The following CCDC18 variants were observed in gnomAD, a reference collection of about 807,000 sequenced individuals.
The protein encoded by CCDC18 is coiled-coil domain containing 18.
CCDC18 carries 157 observed loss-of-function variants against 196.0 expected under a neutral mutation model. The ratio of observed to expected loss-of-function variants is 0.80; its 90% CI spans 0.70 to 0.91. The LOEUF (loss-of-function observed/expected upper bound fraction) is 0.91, where lower values mean the gene tolerates loss of function less well. CCDC18 is among the 40% of genes least tolerant of loss of function. The pLI is 0.00. For missense variants in CCDC18, 1,465 were observed against 1,611.6 expected (o/e 0.91, Z 1.56); for synonymous variants, 482 against 529.2 (o/e 0.91, Z 1.22).
At chr1:93,198,419 A>G (rs1448618465) in intron 6 of CCDC18, among the ~76,000 whole-genome samples, 1 of 152,318 alleles carries the variant, frequency 6.6e-6, no homozygotes, top group Middle Eastern at 3.4e-3. Context: ...CAAAATTAAC[A>G]TATGTTGTTA....
Position 93,193,748 on chromosome 1 carries a change from T to C in CCDC18, c.698+4T>C, listed in dbSNP as rs771964430. On this transcript the variant is annotated splice_donor_region_variant and intron_variant, in intron 6 of 28. Coordinates refer to ENST00000690025, the MANE Select transcript of CCDC18 (RefSeq NM_001378204.1). ...AACAAACCAAACAAGGAAAAAGGTATGTGTTTTTAAAGCAAATACATGTTT... is the reference window on the plus strand; with the variant it reads ...AACAAACCAAACAAGGAAAAAGGTACGTGTTTTTAAAGCAAATACATGTTT... 6.5e-7 allele frequency: 1 copy of C among 1,543,518 alleles called. No individual in the cohort carries two copies. Among genetic ancestry groups the C allele is most frequent in the South Asian group, 1.3e-5 (1 of 78,568 alleles).
chr1:93,269,721 T>C (rs1665035935), intron 27 of CCDC18: 1 of 152,188 alleles, frequency 6.6e-6, no homozygotes, highest in Non-Finnish European at 1.5e-5. Flanking sequence ...ATCTCTTTTT[T>C]TAGGCTTTTT....
At chr1:93,239,970 C>A in intron 21 of CCDC18, 74 bp downstream of exon 21, 1 of 1,043,146 alleles carries the variant, frequency 9.6e-7, no homozygotes, top group Non-Finnish European at 1.4e-6. Flanking sequence ...TTGTTGCATT[C>A]TAGACGTCTA....
chr1:93,214,822 A>T lies in CCDC18; in HGVS notation c.1575A>T (p.Ile525=). 1 of 1,613,626 alleles carries T rather than the reference A, an allele frequency of 6.2e-7. No homozygotes were observed. The highest frequency in any genetic ancestry group is 8.5e-7 in the Non-Finnish European group (1 of 1,179,700). Residue 525 remains isoleucine, a synonymous_variant, in exon 12 of 29, where the codon ATA becomes ATT. Coordinates refer to ENST00000690025, the MANE Select transcript of CCDC18 (RefSeq NM_001378204.1). ...AGAGGCAAAGACTTGTTACTGGAATAGAAGAACTACGTACTAAGCTGATAC... is the reference window on the plus strand; with the variant it reads ...AGAGGCAAAGACTTGTTACTGGAATTGAAGAACTACGTACTAAGCTGATAC... ...EKERQRLVTG[I]EELRTKLIQI...
Position 93,278,471 on chromosome 1 carries a change from T to C in CCDC18, c.4362T>C (p.Asn1454=), listed in dbSNP as rs924515083. 7.8e-7 allele frequency: 1 copy of C among 1,278,670 alleles called. No individual in the cohort carries two copies. Among genetic ancestry groups the C allele is most frequent in the Non-Finnish European group, 1.1e-6 (1 of 941,822 alleles). 79.2% of individuals were successfully genotyped at this position (1,278,670 alleles called of 1,614,324 possible). A position where few individuals can be genotyped will look rare whatever the true frequency, so the allele number is the denominator to read the frequency against. Residue 1454 remains asparagine, a synonymous_variant, in exon 29 of 29, where the codon AAT becomes AAC. Coordinates refer to ENST00000690025, the MANE Select transcript of CCDC18 (RefSeq NM_001378204.1). ...QTGAGLNQGE[N]V is the part of the protein sequence containing the mutation. ...ATTTTGCATTATTCTAGGGAGAAAA[T>C]GTGTAATTCAAAGAAGATACTGATG...
intron 7 of CCDC18, among the ~76,000 whole-genome samples, chr1:93,204,149 G>T (rs139070836): frequency 6.6e-6 from 1 of 152,220 alleles, no homozygotes; most frequent in Non-Finnish European, 1.5e-5. Context: ...AGTAGGGGGA[G>T]ATTGAAGATG....
intron 6 of CCDC18, among the ~76,000 whole-genome samples, chr1:93,196,304 A>AC (rs1242109499): frequency 6.6e-6 from 1 of 152,186 alleles, no homozygotes; most frequent in Non-Finnish European, 1.5e-5. Flanking sequence ...AGCCTGAGTG[A>AC]CAGAGGAAGA....
Position 93,226,311 on chromosome 1 carries a change from TTTTG to T in CCDC18, c.2176-21_2176-18del. The T allele has an allele frequency of 1.1e-6, 1 of 920,166 alleles. No individual in the cohort carries two copies. Among genetic ancestry groups the T allele is most frequent in the Non-Finnish European group, 1.6e-6 (1 of 610,280 alleles). The allele number at this position is 920,166 out of a possible 1,614,324, so 57.0% of individuals were successfully genotyped here. On this transcript the variant is annotated intron_variant, in intron 16 of 28. Transcript: ENST00000690025. Reference sequence around the variant, plus strand: ...ATATCGTTTTGTGTTTTTTTTTTTTTTTTGCTTTTTTTCCTGCTTAGGTTAGGCA... The same window carrying T: ...ATATCGTTTTGTGTTTTTTTTTTTTTCTTTTTTTCCTGCTTAGGTTAGGCA...
chr1:93,228,213 A>G (rs1658708143), intron 17 of CCDC18, among the ~76,000 whole-genome samples: 1 of 152,018 alleles, frequency 6.6e-6, no homozygotes, highest in Non-Finnish European at 1.5e-5. Context: ...ACATCAGGAA[A>G]AGATGGTGTG....
chr1:93,265,039 A>G (rs550978182), intron 27 of CCDC18, 138 bp downstream of exon 27: 92 of 605,592 alleles, frequency 1.5e-4, no homozygotes, highest in Non-Finnish European at 2.5e-4. Context: ...GATTTAGAAG[A>G]TGTTGAATTT....
intron 17 of CCDC18, among the ~76,000 whole-genome samples, chr1:93,227,319 C>T (rs1043250431): frequency 6.6e-5 from 10 of 151,110 alleles, no homozygotes; most frequent in Non-Finnish European, 1.2e-4. Context: ...CTGCCACGCC[C>T]GGCTAATTTT....
intron 14 of CCDC18, among the ~76,000 whole-genome samples, chr1:93,218,433 CA>C (rs1474832219): frequency 6.6e-6 from 1 of 151,836 alleles, no homozygotes; most frequent in Non-Finnish European, 1.5e-5. Flanking sequence ...CCAATTGTAA[CA>C]AAATACTGTC....
At chr1:93,221,472 A>G in intron 14 of CCDC18, 137 bp from the exon 15 acceptor site, 1 of 510,442 alleles carries the variant, frequency 2.0e-6, no homozygotes, top group Admixed American at 4.2e-5. Flanking sequence ...TTCTTCCTTA[A>G]AAAGAGAGAA....
intron 18 of CCDC18, among the ~76,000 whole-genome samples, chr1:93,234,936 A>AGTGTGTGTGTGTGTGTGTGTGT (rs3223482): frequency 2.3e-4 from 27 of 119,368 alleles, no homozygotes; most frequent in East Asian, 1.2e-3. Flanking sequence ...CCCAGCTAAG[A>AGTGTGTGTGTGTGTGTGTGTGT]GTGTGTGTGT....
intron 1 of CCDC18, among the ~76,000 whole-genome samples, chr1:93,182,670 A>G (rs916989747): frequency 6.6e-6 from 1 of 152,214 alleles, no homozygotes; most frequent in Non-Finnish European, 1.5e-5. Flanking sequence ...CCACTGAAGA[A>G]ACAAAAGCTT....
rs372219131 is a variant in CCDC18 at position 93,256,290 on chromosome 1, C to G, written c.3343-45C>G. The G allele has an allele frequency of 1.1e-4, 162 of 1,518,716 alleles. 1 individual carries two copies. In the African/African-American group the frequency reaches 1.7e-3, roughly 16 times the overall value. The allele number at this position is 1,518,716 out of a possible 1,614,324, so 94.1% of individuals were successfully genotyped here. ...AAAATCAGAATAAGAAATAGGTTAT[C>G]TATATATTTCATTCTGAAACCTACA... On this transcript the variant is annotated intron_variant, in intron 24 of 28. Transcript: ENST00000690025.
chr1:93,204,059 C>T (rs1211959193), intron 7 of CCDC18, among the ~76,000 whole-genome samples: 1 of 151,918 alleles, frequency 6.6e-6, no homozygotes, highest in African/African-American at 2.4e-5. Context: ...TTGGGAGAGG[C>T]AGCGAATGGA....
chr1:93,180,403 C>G (rs959225044), upstream of CCDC18: 1 of 1,220,776 alleles, frequency 8.2e-7, no homozygotes, highest in South Asian at 1.4e-5. Flanking sequence ...GAAAGAGAAG[C>G]GCAGTTCTCC....
chr1:93,204,323 C>A (rs536866172), intron 7 of CCDC18, among the ~76,000 whole-genome samples: 9 of 151,746 alleles, frequency 5.9e-5, no homozygotes, highest in African/African-American at 2.2e-4. Context: ...GGAAATTGAA[C>A]GATTTTGAAT....
Sources: gnomAD v4.1 joint callset for allele counts (sites outside exome capture counted in the v4.1 genomes callset) on GRCh38, gnomAD v4.1.1 for gene constraint, MANE v1.5 for transcripts, NCBI Gene and HGNC (gene_info 2026-07-23, HGNC 2026-07-21) for gene names.